EXOC3L2: variants seen among roughly 807,000 people sequenced by gnomAD.
The protein encoded by EXOC3L2 is exocyst complex component 3-like protein 2.
Under a neutral mutation model 44.4 loss-of-function variants are expected in EXOC3L2, and 17 were observed. The observed-to-expected ratio is 0.38, with a 90% CI of 0.26 to 0.57. The LOEUF is 0.57. Among genes scored for constraint, EXOC3L2 ranks in the 20% least tolerant of loss-of-function variants. The pLI, the probability that EXOC3L2 is intolerant of heterozygous loss-of-function variation, is 0.65. For synonymous variants in EXOC3L2, 256 were observed against 253.7 expected, an observed-to-expected ratio of 1.01 and a Z score of -0.09; for missense variants, 541 against 588.4, an observed-to-expected ratio of 0.92 and a Z score of 0.83.
At chr19:45,220,476 A>G (rs1376091233) in intron 8 of EXOC3L2, among the ~76,000 whole-genome samples, 1 of 152,188 alleles carries the variant, frequency 6.6e-6, no homozygotes, top group African/African-American at 2.4e-5. Flanking sequence ...TCTCAAAAAA[A>G]CAAACAGAAA....
Position 45,213,106 on chromosome 19 carries a change from C to A in EXOC3L2, c.2372G>T (p.Arg791Leu). The A allele has an allele frequency of 6.5e-7, 1 of 1,536,766 alleles. No individual in the cohort carries two copies. The highest frequency in any genetic ancestry group is 8.7e-7 in the Non-Finnish European group (1 of 1,146,270). Reference sequence around the variant, plus strand: ...CCGAGGTCGCGCTAGAGACGGAGGCCGGGGCCGAGGCAGACAGGCCAAACT... The same window carrying A: ...CCGAGGTCGCGCTAGAGACGGAGGCAGGGGCCGAGGCAGACAGGCCAAACT... The part of the protein sequence containing the change: ...RPSLACLPRP[R>L]PPSLARPRAQ... The change falls in exon 12 of 12, where the codon CGG becomes CTG. Residue 791 changes from arginine to leucine, a missense_variant. Coordinates refer to ENST00000413988, the MANE Select transcript of EXOC3L2 (RefSeq NM_001382422.1).
chr19:45,222,655 T>C (rs1969910581), intron 8 of EXOC3L2, among the ~76,000 whole-genome samples: 1 of 152,116 alleles, frequency 6.6e-6, no homozygotes, highest in Admixed American at 6.6e-5. Context: ...AAAACATACA[T>C]AGTGGTTTAT....
At chr19:45,224,352 T>C (rs985035464) in intron 8 of EXOC3L2, among the ~76,000 whole-genome samples, 1 of 151,908 alleles carries the variant, frequency 6.6e-6, no homozygotes, top group Non-Finnish European at 1.5e-5. Context: ...ATAACATGGG[T>C]TGAGCTTGTG....
chr19:45,217,764 G>A lies in EXOC3L2; in HGVS notation c.1843-81C>T, dbSNP rs910949198. 9.6e-6 allele frequency: 13 copies of A among 1,359,460 alleles called. No individual in the cohort carries two copies. The South Asian group carries it at 1.8e-4, about 19-fold the overall frequency. The allele number at this position is 1,359,460 out of a possible 1,614,324, so 84.2% of individuals were successfully genotyped here. A position where few individuals can be genotyped will look rare whatever the true frequency, so the allele number is the denominator to read the frequency against. On this transcript the variant is annotated intron_variant, in intron 9 of 11. Transcript: ENST00000413988. ...TCCCGCCAGTCTGAAGGCCACCCCC[G>A]CCCCACTCGCCCACATCCACTCCGG...
chr19:45,244,468 C>T (rs533306117), intron 1 of EXOC3L2, among the ~76,000 whole-genome samples: 18 of 152,294 alleles, frequency 1.2e-4, no homozygotes, highest in African/African-American at 4.3e-4. Flanking sequence ...CTGTCTCCGA[C>T]GTCTTTCCCC....
In EXOC3L2 at chr19:45,227,675, C is replaced by T. The variant is rs753678688; in HGVS notation, c.1570G>A (p.Gly524Ser). The T allele has an allele frequency of 1.2e-5, 20 of 1,611,288 alleles. No individual in the cohort carries two copies. The highest frequency in any genetic ancestry group is 1.6e-5 in the Non-Finnish European group (19 of 1,179,436). Residue 524 changes from glycine (G) to serine (S), a missense_variant, in exon 7 of 12, where the codon GGC (glycine) becomes AGC (serine). Gly to Ser is a moderately conservative substitution (Grantham distance 56). Transcript: ENST00000413988. ...ISKTIALVNCGPPLRALAERL... is the reference protein window; with the variant it reads ...ISKTIALVNCSPPLRALAERL... The stretch of plus-strand genomic sequence containing the variant: ...GGATGCCCTCACCTCAGTGGGGGGC[C>T]GCAGTTGACCAGGGCGATGGTCTTG...
intron 3 of EXOC3L2, among the ~76,000 whole-genome samples, chr19:45,232,906 C>T (rs1468850861): frequency 2.0e-5 from 3 of 152,028 alleles, no homozygotes; most frequent in Non-Finnish European, 2.9e-5. Flanking sequence ...GGTAAAACCC[C>T]GCCTCTACTA....
intron 4 of EXOC3L2, among the ~76,000 whole-genome samples, chr19:45,229,005 A>G (rs1446253360): frequency 1.3e-5 from 2 of 151,888 alleles, no homozygotes; most frequent in East Asian, 3.9e-4. Context: ...CGGGAGACGG[A>G]GCTTGCAGTG....
intron 1 of EXOC3L2, 96 bp downstream of exon 1, chr19:45,245,245 T>A (rs1233591592): frequency 6.6e-6 from 1 of 152,038 alleles, no homozygotes; most frequent in East Asian, 1.9e-4. Flanking sequence ...AAGGTACAGG[T>A]TCTCATCAGC....
At chr19:45,230,445 C>T (rs896472692) in intron 4 of EXOC3L2, among the ~76,000 whole-genome samples, 1 of 152,150 alleles carries the variant, frequency 6.6e-6, no homozygotes, top group Non-Finnish European at 1.5e-5. Flanking sequence ...GTCTCAATCT[C>T]CTGACCTCGT....
At chr19:45,236,895 C>T (rs2122989662) in intron 2 of EXOC3L2, among the ~76,000 whole-genome samples, 2 of 151,852 alleles carry the variant, frequency 1.3e-5, no homozygotes, top group South Asian at 4.2e-4. Flanking sequence ...ATCCCAGCTA[C>T]TCAGGAGGTT....
chr19:45,241,137 C>T (rs1299928863), intron 1 of EXOC3L2, among the ~76,000 whole-genome samples: 1 of 152,278 alleles, frequency 6.6e-6, no homozygotes, highest in African/African-American at 2.4e-5. Context: ...GCCCTGGCCT[C>T]CTCCCTGGTC....
At chr19:45,235,191 C>T (rs1242292227) in intron 2 of EXOC3L2, among the ~76,000 whole-genome samples, 1 of 152,052 alleles carries the variant, frequency 6.6e-6, no homozygotes, top group East Asian at 1.9e-4. Context: ...ATCCCAGCTA[C>T]TCGAGAGGCA....
intron 10 of EXOC3L2, among the ~76,000 whole-genome samples, chr19:45,217,144 C>T (rs1969844038): frequency 6.6e-6 from 1 of 152,054 alleles, no homozygotes; most frequent in African/African-American, 2.4e-5. Context: ...GCCTCAACCT[C>T]CCAAGTAGCT....
rs749825334 is a variant in EXOC3L2, at chr19:45,227,935, C to T, written c.1472+39G>A. The T allele has an allele frequency of 2.0e-4, 314 of 1,598,130 alleles. 1 individual carries two copies. The highest frequency in any genetic ancestry group is 2.5e-4 in the Non-Finnish European group (287 of 1,170,958). The stretch of plus-strand genomic sequence containing the variant: ...TTGGATCCCAGGCCCTGATGCCCAA[C>T]CCCCAGCAGAGCTAACCTGTGCTCC... On this transcript the variant is annotated intron_variant, in intron 6 of 11. Coordinates refer to ENST00000413988, the MANE Select transcript of EXOC3L2 (RefSeq NM_001382422.1).
At position 45,217,567 on chromosome 19, in the gene EXOC3L2, C is replaced by T. The variant is rs1162616785; in HGVS notation, c.1959G>A (p.Arg653=). 6.4e-7 allele frequency: 1 copy of T among 1,556,988 alleles called. No individual in the cohort carries two copies. The highest frequency in any genetic ancestry group is 1.8e-5 in the Admixed American group (1 of 54,266). The change falls in exon 10 of 12, where the codon CGG becomes CGA. Residue 653 remains arginine, a synonymous_variant. Coordinates refer to ENST00000413988, the MANE Select transcript of EXOC3L2 (RefSeq NM_001382422.1). ...RTRSRVAGRL[R]EDAAQLQRLF... ...GCCTCTGCAGTTGCGCCGCGTCCTCCCGGAGCCTGCCGGCCACGCGGCTGC... is the reference window on the plus strand; with the variant it reads ...GCCTCTGCAGTTGCGCCGCGTCCTCTCGGAGCCTGCCGGCCACGCGGCTGC...
chr19:45,233,362 C>G (rs1346892884), intron 3 of EXOC3L2, among the ~76,000 whole-genome samples: 1 of 152,186 alleles, frequency 6.6e-6, no homozygotes, highest in African/African-American at 2.4e-5. Context: ...ACCATACATT[C>G]TAAGTTCTAA....
chr19:45,227,844 G>A (rs1202309370), intron 6 of EXOC3L2, 72 bp from the exon 7 acceptor site: 14 of 1,540,174 alleles, frequency 9.1e-6, no homozygotes, highest in Non-Finnish European at 1.2e-5. Context: ...GCCTGCCAAA[G>A]CCACCATCCC....
chr19:45,215,377 G>A (rs1969821909), intron 11 of EXOC3L2, among the ~76,000 whole-genome samples: 2 of 152,056 alleles, frequency 1.3e-5, no homozygotes, highest in Admixed American at 6.6e-5. Context: ...AGGCTGAGGT[G>A]GGAGGGCTGC....
Sources: gnomAD v4.1 joint callset for allele counts (sites outside exome capture counted in the v4.1 genomes callset) on GRCh38, gnomAD v4.1.1 for gene constraint, MANE v1.5 for transcripts, NCBI Gene and HGNC (gene_info 2026-07-23, HGNC 2026-07-21) for gene names.